SLC9A7: variants seen among roughly 807,000 people sequenced by gnomAD.
The protein encoded by SLC9A7 is sodium/hydrogen exchanger 7.
Under a neutral mutation model 52.6 loss-of-function variants are expected in SLC9A7, and 19 were observed. That is an observed-to-expected ratio of 0.36 (90% CI 0.25 to 0.53). The LOEUF is 0.53. SLC9A7 is among the 20% of genes least tolerant of loss of function. The pLI, the probability that SLC9A7 is intolerant of heterozygous loss-of-function variation, is 0.91. For synonymous variants in SLC9A7, 226 were observed against 252.1 expected, an observed-to-expected ratio of 0.90 and a Z score of 0.98; for missense variants, 455 against 597.9, an observed-to-expected ratio of 0.76 and a Z score of 2.49.
intron 11 of SLC9A7, among the ~76,000 whole-genome samples, chrX:46,648,475 A>C (rs1288319992): frequency 8.9e-6 from 1 of 111,846 alleles, no homozygotes; most frequent in Non-Finnish European, 1.9e-5. Context: ...CAAATATTTT[A>C]GGGGAGAATG....
chrX:46,713,270 C>T (rs1405269228), intron 1 of SLC9A7, among the ~76,000 whole-genome samples: 5 of 110,287 alleles, frequency 4.5e-5, no homozygotes, highest in African/African-American at 1.7e-4. Flanking sequence ...GAGCCTGAGG[C>T]GGGTGGATCA....
Position 46,746,437 on chromosome X carries a change from CAACTT to C in SLC9A7, c.325+12263_325+12267del, listed in dbSNP as rs774754001. ...AACCAGAATATATAAGGAGCTCAAA[CAACTT>C]AACAGCAAAAAAAAAATCCTATTAA... On this transcript the variant is annotated intron_variant, in intron 1 of 16. Transcript: ENST00000616978. Among the ~76,000 whole-genome samples, 6 of 110,474 alleles carry C rather than the reference CAACTT, an allele frequency of 5.4e-5. No individual in the cohort carries two copies. In the East Asian group the frequency reaches 1.4e-3, roughly 26 times the overall value.
intron 1 of SLC9A7, among the ~76,000 whole-genome samples, chrX:46,728,943 GAA>G (rs1192967330): frequency 2.7e-5 from 3 of 112,399 alleles, no homozygotes; most frequent in Non-Finnish European, 5.6e-5. Flanking sequence ...TATAGAGACA[GAA>G]AACAGATCAG....
chrX:46,705,136 T>C (rs1295628337), intron 1 of SLC9A7, among the ~76,000 whole-genome samples: 1 of 111,404 alleles, frequency 9.0e-6, no homozygotes, highest in South Asian at 3.8e-4. Flanking sequence ...TACAGTGGCA[T>C]GGCTGGAGCT....
chrX:46,638,572 A>G (rs187708464), intron 12 of SLC9A7, among the ~76,000 whole-genome samples: 103 of 112,330 alleles, frequency 9.2e-4, no homozygotes, highest in African/African-American at 3.2e-3. Flanking sequence ...CACAGACATC[A>G]AAAGGATAAC....
intron 14 of SLC9A7, among the ~76,000 whole-genome samples, chrX:46,626,716 G>A (rs757941443): frequency 8.9e-6 from 1 of 111,915 alleles, no homozygotes; most frequent in African/African-American, 3.3e-5. Context: ...GATAGTGAGT[G>A]AGTTCTCACG....
Position 46,604,123 on chromosome X carries a change from A to G in SLC9A7, c.*2829T>C, listed in dbSNP as rs1942703222. ...CTAAGATAACTCTGCTAAATAAAAA[A>G]TCCTGTGCTGGTTCTGGACTCCAGC... On this transcript the variant is annotated 3_prime_UTR_variant, in exon 17 of 17. Transcript: ENST00000616978. 4 of 112,805 alleles carry G rather than the reference A, an allele frequency of 3.5e-5. No individual in the cohort carries two copies. Among genetic ancestry groups the G allele is most frequent in the South Asian group, 3.6e-4 (1 of 2,767 alleles). 9.3% of individuals were successfully genotyped at this position (112,805 alleles called of 1,213,427 possible).
At chrX:46,612,251 G>T (rs1247874713) in intron 16 of SLC9A7, among the ~76,000 whole-genome samples, 1 of 111,815 alleles carries the variant, frequency 8.9e-6, no homozygotes, top group Non-Finnish European at 1.9e-5. Flanking sequence ...TTCTTCTAGG[G>T]CATAATGACT....
chrX:46,640,136 T>C (rs181962562), intron 12 of SLC9A7, among the ~76,000 whole-genome samples: 122 of 111,778 alleles, frequency 1.1e-3, no homozygotes, highest in African/African-American at 3.8e-3. Flanking sequence ...GCCATAACAA[T>C]AAAGTGGGAG....
chrX:46,681,707 T>G (rs902491418), intron 2 of SLC9A7, among the ~76,000 whole-genome samples: 1 of 111,912 alleles, frequency 8.9e-6, no homozygotes, highest in African/African-American at 3.3e-5. Flanking sequence ...ACAGATCTCT[T>G]GCTTATCCTG....
chrX:46,643,501 G>A, intron 11 of SLC9A7, 112 bp from the exon 12 acceptor site: 3 of 766,824 alleles, frequency 3.9e-6, no homozygotes, highest in Non-Finnish European at 3.7e-6. Flanking sequence ...TGCTTCAGGG[G>A]CCAAGTTGTT....
chrX:46,654,301 T>C (rs773549276), intron 7 of SLC9A7, among the ~76,000 whole-genome samples: 11 of 110,176 alleles, frequency 1.0e-4, no homozygotes, highest in Non-Finnish European at 1.9e-4. Flanking sequence ...GAGAATCAAT[T>C]GAACCCGGCA....
At chrX:46,742,806 T>C (rs995223420) in intron 1 of SLC9A7, among the ~76,000 whole-genome samples, 2 of 112,166 alleles carry the variant, frequency 1.8e-5, no homozygotes, top group African/African-American at 3.2e-5. Flanking sequence ...TCCCAACACA[T>C]TGGGAGGCCA....
At chrX:46,673,550 A>C (rs1228649344) in intron 3 of SLC9A7, among the ~76,000 whole-genome samples, 1 of 112,138 alleles carries the variant, frequency 8.9e-6, no homozygotes, top group Non-Finnish European at 1.9e-5. Flanking sequence ...AGAACTATTT[A>C]ACAAAAACAG....
At chrX:46,687,302 G>A (rs5906255) in intron 1 of SLC9A7, among the ~76,000 whole-genome samples, 3,617 of 112,001 alleles carry the variant, frequency 0.032, 60 homozygotes, top group Non-Finnish European at 0.049. Flanking sequence ...AGGTACTGAG[G>A]GTAGGTGATC....
intron 15 of SLC9A7, among the ~76,000 whole-genome samples, chrX:46,614,953 A>G (rs1232794477): frequency 1.8e-5 from 2 of 112,550 alleles, no homozygotes; most frequent in African/African-American, 6.5e-5. Flanking sequence ...AGCTCTCTCT[A>G]GAGGAGGAGA....
chrX:46,753,369 AT>A (rs1166931954), intron 1 of SLC9A7, among the ~76,000 whole-genome samples: 2 of 112,125 alleles, frequency 1.8e-5, no homozygotes, highest in African/African-American at 6.5e-5. Context: ...TATAAATTAC[AT>A]ACATCATGTT....
At chrX:46,693,925 T>C (rs775566655) in intron 1 of SLC9A7, among the ~76,000 whole-genome samples, 3 of 110,137 alleles carry the variant, frequency 2.7e-5, no homozygotes, top group Non-Finnish European at 3.8e-5. Flanking sequence ...GAGGCCATTA[T>C]CCTAAGCGAA....
chrX:46,752,215 CT>C lies in SLC9A7; in HGVS notation c.325+6489del, dbSNP rs782291354. Among the ~76,000 whole-genome samples, 901 of 111,740 alleles carry C rather than the reference CT, an allele frequency of 8.1e-3. 5 individuals carry two copies. Among genetic ancestry groups the C allele is most frequent in the Non-Finnish European group, 0.012 (645 of 53,055 alleles). The stretch of plus-strand genomic sequence containing the variant: ...ATGTTAGGATTCATATACTTTACCC[CT>C]GAATACTTCAGCTTGCATCTCCAAA... On this transcript the variant is annotated intron_variant, in intron 1 of 16. Transcript: ENST00000616978.
Sources: allele counts gnomAD v4.1 joint callset (sites outside exome capture counted in the v4.1 genomes callset), GRCh38; gene constraint gnomAD v4.1.1; transcripts MANE v1.5; gene names NCBI Gene and HGNC (gene_info 2026-07-23, HGNC 2026-07-21).